PLD5: variants seen among roughly 807,000 people sequenced by gnomAD.
PLD5 encodes the protein phospholipase D family member 5.
In PLD5, 36 loss-of-function variants were observed where a neutral mutation model predicts 61.1. That is an observed-to-expected ratio of 0.59 (90% CI 0.45 to 0.78). The LOEUF is 0.78. Among genes scored for constraint, PLD5 ranks in the 30% least tolerant of loss-of-function variants. The pLI, the probability that PLD5 is intolerant of heterozygous loss-of-function variation, is 0.00. For synonymous variants in PLD5, 243 were observed against 242.8 expected (o/e 1.00, Z -0.01); for missense variants, 515 against 644.4 (o/e 0.80, Z 2.17).
At chr1:242,092,323 G>C (rs1003230516) in intron 9 of PLD5, among the ~76,000 whole-genome samples, 1 of 152,030 alleles carries the variant, frequency 6.6e-6, no homozygotes, top group African/African-American at 2.4e-5. Flanking sequence ...TATTTATATG[G>C]TTGGTGGGAC....
chr1:242,123,943 G>C (rs542247528), intron 6 of PLD5, among the ~76,000 whole-genome samples: 3 of 152,300 alleles, frequency 2.0e-5, no homozygotes, highest in African/African-American at 4.8e-5. Context: ...CTGTCCTGTT[G>C]TGTGGGCCTC....
intron 7 of PLD5, among the ~76,000 whole-genome samples, chr1:242,110,878 T>C (rs1327769829): frequency 2.6e-5 from 4 of 152,186 alleles, no homozygotes; most frequent in Non-Finnish European, 5.9e-5. Context: ...CTTCAAAGGC[T>C]AATCAGGCTA....
At chr1:242,506,563 A>G (rs553767874) in intron 1 of PLD5, among the ~76,000 whole-genome samples, 122 of 152,332 alleles carry the variant, frequency 8.0e-4, no homozygotes, top group African/African-American at 2.8e-3. Flanking sequence ...GATGTAACCC[A>G]GGCACTGGTA....
intron 1 of PLD5, among the ~76,000 whole-genome samples, chr1:242,367,541 A>G (rs920180206): frequency 6.6e-6 from 1 of 152,210 alleles, no homozygotes; most frequent in Non-Finnish European, 1.5e-5. Flanking sequence ...CCAGAAGGGC[A>G]CTACTAGCAC....
chr1:242,320,769 C>T (rs1460252823), intron 2 of PLD5, among the ~76,000 whole-genome samples: 1 of 152,204 alleles, frequency 6.6e-6, no homozygotes, highest in African/African-American at 2.4e-5. Context: ...ATTAGAATCA[C>T]CTGGGGAGCT....
chr1:242,361,386 A>C (rs1453980259), intron 1 of PLD5, among the ~76,000 whole-genome samples: 1 of 152,180 alleles, frequency 6.6e-6, no homozygotes, highest in Admixed American at 6.5e-5. Context: ...AAATGATAGA[A>C]TAAGAGCCAC....
At chr1:242,146,801 C>G (rs1357804276) in intron 5 of PLD5, among the ~76,000 whole-genome samples, 1 of 152,186 alleles carries the variant, frequency 6.6e-6, no homozygotes, top group Admixed American at 6.5e-5. Context: ...AAACCAGCCA[C>G]CTTTTGTCCT....
intron 4 of PLD5, among the ~76,000 whole-genome samples, chr1:242,234,848 T>C (rs575871594): frequency 6.6e-6 from 1 of 152,182 alleles, no homozygotes; most frequent in South Asian, 2.1e-4. Flanking sequence ...AGAAAGGCTC[T>C]GAAGAAAAGT....
At chr1:242,158,803 G>A (rs1040279924) in intron 5 of PLD5, among the ~76,000 whole-genome samples, 1 of 151,734 alleles carries the variant, frequency 6.6e-6, no homozygotes, top group Non-Finnish European at 1.5e-5. Flanking sequence ...TGTCCTTTCA[G>A]TTTGAGTCAT....
chr1:242,293,502 A>G (rs981717549), intron 2 of PLD5, among the ~76,000 whole-genome samples: 2 of 152,154 alleles, frequency 1.3e-5, no homozygotes, highest in Non-Finnish European at 2.9e-5. Flanking sequence ...TACCTATTTT[A>G]TAGATTAAAC....
chr1:242,326,885 A>G (rs1157117718), intron 2 of PLD5, among the ~76,000 whole-genome samples: 1 of 150,276 alleles, frequency 6.7e-6, no homozygotes, highest in Non-Finnish European at 1.5e-5. Flanking sequence ...TTTTTTTCCG[A>G]GACAGAGTCT....
chr1:242,112,071 T>A (rs2148699714), intron 7 of PLD5, among the ~76,000 whole-genome samples: 1 of 152,268 alleles, frequency 6.6e-6, no homozygotes, highest in South Asian at 2.1e-4. Flanking sequence ...TCCTAACATA[T>A]AACTCCCTGA....
Position 242,167,252 on chromosome 1 carries a change from A to T in PLD5, c.736-42587T>A, listed in dbSNP as rs139881613. 2.0e-5 allele frequency among the ~76,000 whole-genome samples: 3 copies of T among 152,276 alleles called. No individual in the cohort carries two copies. The East Asian group carries it at 5.8e-4, about 29-fold the overall frequency. On this transcript the variant is annotated intron_variant, in intron 5 of 9. Coordinates refer to ENST00000536534, the MANE Select transcript of PLD5 (RefSeq NM_001372062.1). Reference sequence around the variant, plus strand: ...TCATGCTGCTAATAAAGACATATCCAAGACTGGGTCATTTATAAAGAAAAA... The same window carrying T: ...TCATGCTGCTAATAAAGACATATCCTAGACTGGGTCATTTATAAAGAAAAA...
At chr1:242,158,973 G>A (rs2148838006) in intron 5 of PLD5, among the ~76,000 whole-genome samples, 1 of 152,148 alleles carries the variant, frequency 6.6e-6, no homozygotes, top group East Asian at 1.9e-4. Context: ...TTAAGCATCA[G>A]TTTTAGCATG....
intron 3 of PLD5, among the ~76,000 whole-genome samples, chr1:242,283,332 G>A (rs1674828167): frequency 6.6e-6 from 1 of 152,204 alleles, no homozygotes. Context: ...CCAATAAAAT[G>A]TGTGCGTCTG....
chr1:242,268,989 C>A (rs1408357042), intron 3 of PLD5, among the ~76,000 whole-genome samples: 2 of 152,020 alleles, frequency 1.3e-5, no homozygotes, highest in South Asian at 2.1e-4. Context: ...ACTACAGGCA[C>A]CTGCCACCAT....
At chr1:242,457,127 G>C (rs1666968243) in intron 1 of PLD5, among the ~76,000 whole-genome samples, 1 of 152,140 alleles carries the variant, frequency 6.6e-6, no homozygotes, top group Admixed American at 6.5e-5. Context: ...GTTTTGTGGT[G>C]ATGGGAATTC....
At chr1:242,232,758 A>C (rs1671388858) in intron 4 of PLD5, among the ~76,000 whole-genome samples, 1 of 152,174 alleles carries the variant, frequency 6.6e-6, no homozygotes, top group African/African-American at 2.4e-5. Context: ...TAGGAGACTT[A>C]CTTGAACCCA....
intron 2 of PLD5, among the ~76,000 whole-genome samples, chr1:242,303,216 C>T (rs1300712788): frequency 6.6e-6 from 1 of 152,214 alleles, no homozygotes; most frequent in African/African-American, 2.4e-5. Flanking sequence ...TGCTGACTCT[C>T]CTGACTCACA....
Sources: allele counts gnomAD v4.1 joint callset (sites outside exome capture counted in the v4.1 genomes callset), GRCh38; gene constraint gnomAD v4.1.1; transcripts MANE v1.5; gene names NCBI Gene and HGNC (gene_info 2026-07-23, HGNC 2026-07-21).